RHAG: variants seen among roughly 807,000 people sequenced by gnomAD.
RHAG encodes the protein Rh associated glycoprotein.
A neutral mutation model predicts 42.4 loss-of-function variants in RHAG; 25 were observed. The ratio of observed to expected loss-of-function variants is 0.59; its 90% CI spans 0.43 to 0.82. RHAG has a LOEUF of 0.82. Ranked by LOEUF, RHAG falls within the 40% of genes least tolerant of loss-of-function variation. The pLI, the probability that RHAG is intolerant of heterozygous loss-of-function variation, is 0.00. For synonymous variants in RHAG, 182 were observed against 177.7 expected (o/e 1.02, Z -0.19); for missense variants, 483 against 504.6 (o/e 0.96, Z 0.41).
At chr6:49,624,909 TA>T (rs1762820463) in intron 1 of RHAG, among the ~76,000 whole-genome samples, 1 of 152,346 alleles carries the variant, frequency 6.6e-6, no homozygotes, top group African/African-American at 2.4e-5. Context: ...ATGACATGCA[TA>T]AAACCCCCCA....
chr6:49,633,900 T>A (rs1762969397), intron 1 of RHAG, among the ~76,000 whole-genome samples: 1 of 152,170 alleles, frequency 6.6e-6, no homozygotes, highest in South Asian at 2.1e-4. Context: ...GTCACATATC[T>A]CCTTGTCTGC....
At chr6:49,634,439 C>G (rs2127359583) in intron 1 of RHAG, among the ~76,000 whole-genome samples, 1 of 152,220 alleles carries the variant, frequency 6.6e-6, no homozygotes, top group South Asian at 2.1e-4. Context: ...ATCACATGAA[C>G]CAGCAGTCTC....
At chr6:49,622,781 C>T (rs1321412698) in intron 1 of RHAG, among the ~76,000 whole-genome samples, 1 of 151,164 alleles carries the variant, frequency 6.6e-6, no homozygotes, top group African/African-American at 2.4e-5. Context: ...GTTAGTGGAA[C>T]AATTATTCTG....
At chr6:49,609,026 G>A (rs1162793596) in intron 7 of RHAG, among the ~76,000 whole-genome samples, 1 of 152,052 alleles carries the variant, frequency 6.6e-6, no homozygotes, top group African/African-American at 2.4e-5. Flanking sequence ...AGCATTACTA[G>A]AGTTATGCTG....
In RHAG at chr6:49,636,749, A is replaced by G. The variant is rs139234886; in HGVS notation, c.64T>C (p.Leu22=). 120 of 1,614,010 alleles carry G rather than the reference A, an allele frequency of 7.4e-5. No individual in the cohort carries two copies. In the African/African-American group the frequency reaches 1.2e-3, roughly 16 times the overall value. Residue 22 remains leucine (L), a synonymous_variant, in exon 1 of 10, where the codon TTA becomes CTA. Coordinates refer to ENST00000371175, the MANE Select transcript of RHAG (RefSeq NM_000324.3). ...TGGTCCGTTTCATACTCAACAAATA[A>G]TCCAAATAAAACAATCATGGCAATT... is the stretch of plus-strand genomic sequence containing the variant. The part of the protein sequence containing the change: ...LEIAMIVLFG[L]FVEYETDQTV...
intron 5 of RHAG, 41 bp from the exon 6 acceptor site, chr6:49,612,575 A>T (rs1421362691): frequency 6.2e-7 from 1 of 1,612,792 alleles, no homozygotes; most frequent in East Asian, 2.2e-5. Context: ...GAGCTGGATG[A>T]TGGAGAATTC....
In RHAG at chr6:49,619,322, G is replaced by A. The variant is rs1762711932; in HGVS notation, c.198C>T (p.Gly66=). 1 of 1,613,990 alleles carries A rather than the reference G, an allele frequency of 6.2e-7. No homozygotes were observed. Among genetic ancestry groups the A allele is most frequent in the African/African-American group, 1.3e-5 (1 of 74,916 alleles). Residue 66 remains glycine (G), a synonymous_variant, in exon 2 of 10, where the codon GGC becomes GGT. Coordinates refer to ENST00000371175, the MANE Select transcript of RHAG (RefSeq NM_000324.3). ...DVHVMIFVGF[G]FLMTFLKKYG... ...ATTTCTTCAGGAAGGTCATGAGGAA[G>A]CCAAACCCAACAAATATCATAACAT...
At chr6:49,630,694 C>G (rs1762922739) in intron 1 of RHAG, among the ~76,000 whole-genome samples, 1 of 152,180 alleles carries the variant, frequency 6.6e-6, no homozygotes, top group South Asian at 2.1e-4. Flanking sequence ...TATTTTCACA[C>G]TTGCTTTCTG....
intron 1 of RHAG, among the ~76,000 whole-genome samples, chr6:49,628,894 AG>A (rs1182554047): frequency 2.0e-5 from 3 of 152,206 alleles, no homozygotes; most frequent in Admixed American, 6.5e-5. Context: ...AAAAAGCAAA[AG>A]AACAAAGCTT....
At position 49,607,203 on chromosome 6, in the gene RHAG, G is replaced by A. The variant is rs1327883064; in HGVS notation, c.1085C>T (p.Ala362Val). The A allele has an allele frequency of 2.5e-6, 4 of 1,613,524 alleles. No individual in the cohort carries two copies. The highest frequency in any genetic ancestry group is 3.4e-6 in the Non-Finnish European group (4 of 1,179,704). ...TCCGATAGAGGAACCCAGTGCAGCT[G>A]CCTGCATGGCCATAGACCTAAGGAA... ...GASNTSMAMQ[A>V]AALGSSIGTA... is the part of the protein sequence containing the mutation. Residue 362 changes from alanine to valine, a missense_variant, in exon 8 of 10, where the codon GCA (alanine) becomes GTA (valine). Ala to Val is a moderately conservative substitution (Grantham distance 64, BLOSUM62 0). Coordinates refer to ENST00000371175, the MANE Select transcript of RHAG (RefSeq NM_000324.3).
intron 1 of RHAG, among the ~76,000 whole-genome samples, chr6:49,628,871 C>A (rs7753489): frequency 0.22 from 34,124 of 151,888 alleles, 4,138 homozygotes; most frequent in African/African-American, 0.32. Flanking sequence ...TGAGCAGTAG[C>A]AAGATTTATT....
In RHAG at chr6:49,615,780, C is replaced by CA. The variant is rs1156994322; in HGVS notation, c.493-10dup. ...GCTCCAATGTCAGAGGCCTGAGGGACAAAATAGCATTCACATAAATAGAGG... is the reference window on the plus strand; with the variant it reads ...GCTCCAATGTCAGAGGCCTGAGGGACAAAAATAGCATTCACATAAATAGAGG... On this transcript the variant is annotated splice_polypyrimidine_tract_variant and intron_variant, in intron 3 of 9. Transcript: ENST00000371175. The CA allele has an allele frequency of 1.2e-6, 2 of 1,613,582 alleles. No individual in the cohort carries two copies. Among genetic ancestry groups the CA allele is most frequent in the African/African-American group, 2.7e-5 (2 of 74,828 alleles).
At chr6:49,612,285 C>T in intron 6 of RHAG, 112 bp downstream of exon 6, 1 of 1,224,754 alleles carries the variant, frequency 8.2e-7, no homozygotes, top group African/African-American at 1.5e-5. Context: ...CAAATGGTCT[C>T]CAAATAAAAA....
chr6:49,631,810 T>C (rs1416101231), intron 1 of RHAG: 3 of 152,236 alleles, frequency 2.0e-5, no homozygotes, highest in African/African-American at 7.2e-5. Context: ...TTAGGTCATA[T>C]ATTACAGACA....
intron 2 of RHAG, 125 bp from the exon 3 acceptor site, chr6:49,618,343 C>T (rs1012635998): frequency 3.3e-6 from 3 of 914,840 alleles, no homozygotes; most frequent in Non-Finnish European, 5.3e-6. Context: ...CTCCCACTTC[C>T]TTATTCCTCC....
intron 3 of RHAG, among the ~76,000 whole-genome samples, chr6:49,617,347 G>A (rs895399798): frequency 2.0e-5 from 3 of 152,154 alleles, no homozygotes; most frequent in African/African-American, 7.2e-5. Flanking sequence ...TTCATAGCAT[G>A]TATTGCAATT....
At chr6:49,621,308 CTCT>C (rs1254934962) in intron 1 of RHAG, among the ~76,000 whole-genome samples, 1 of 152,178 alleles carries the variant, frequency 6.6e-6, no homozygotes, top group East Asian at 1.9e-4. Context: ...CTGGAAAATG[CTCT>C]TCTTTTGCTC....
intron 7 of RHAG, among the ~76,000 whole-genome samples, chr6:49,609,143 T>C (rs545503991): frequency 6.6e-6 from 1 of 152,322 alleles, no homozygotes; most frequent in South Asian, 2.1e-4. Context: ...ATGTAAGTAG[T>C]TTGGTTCTCA....
At position 49,605,728 on chromosome 6, in the gene RHAG, A is replaced by G. The variant is rs1482496423; in HGVS notation, c.*85T>C. ...TTTGGACTTGATTCTGGATAATGGG[A>G]AAGGAAGCTGGAGAGCAGGAATGGT... On this transcript the variant is annotated 3_prime_UTR_variant, in exon 10 of 10. Coordinates refer to ENST00000371175, the MANE Select transcript of RHAG (RefSeq NM_000324.3). The G allele has an allele frequency of 1.6e-6, 2 of 1,236,342 alleles. No individual in the cohort carries two copies. Among genetic ancestry groups the G allele is most frequent in the African/African-American group, 3.0e-5 (2 of 67,418 alleles). The allele number at this position is 1,236,342 out of a possible 1,614,324, so 76.6% of individuals were successfully genotyped here.
Sources: gnomAD v4.1 joint callset for allele counts (sites outside exome capture counted in the v4.1 genomes callset) on GRCh38, gnomAD v4.1.1 for gene constraint, MANE v1.5 for transcripts, NCBI Gene and HGNC (gene_info 2026-07-23, HGNC 2026-07-21) for gene names.